DSTYK: variants seen among roughly 807,000 people sequenced by gnomAD.
The protein encoded by DSTYK is dual serine/threonine and tyrosine protein kinase, also known as RIP-homologous kinase.
In DSTYK, 34 loss-of-function variants were observed where a neutral mutation model predicts 98.7. The observed-to-expected ratio is 0.34, with a 90% CI of 0.26 to 0.46. The LOEUF (loss-of-function observed/expected upper bound fraction) is 0.46, where lower values mean the gene tolerates loss of function less well. DSTYK is among the 20% of genes least tolerant of loss of function. The pLI is 1.00. For missense variants in DSTYK, 962 were observed against 1,181.7 expected, an observed-to-expected ratio of 0.81 and a Z score of 2.73; for synonymous variants, 462 against 457.3, an observed-to-expected ratio of 1.01 and a Z score of -0.13.
At chr1:205,193,904 C>T (rs1366175117) in intron 1 of DSTYK, among the ~76,000 whole-genome samples, 1 of 151,344 alleles carries the variant, frequency 6.6e-6, no homozygotes, top group African/African-American at 2.4e-5. Context: ...AACTAGCAAT[C>T]CTCTTCTCTG....
intron 10 of DSTYK, among the ~76,000 whole-genome samples, chr1:205,155,976 C>T (rs1657547061): frequency 6.6e-6 from 1 of 152,238 alleles, no homozygotes; most frequent in Non-Finnish European, 1.5e-5. Flanking sequence ...CCACATAGCT[C>T]AGGCCATTGC....
In DSTYK at chr1:205,162,115, T is replaced by C. The variant is rs1239304396; in HGVS notation, c.1739A>G (p.Lys580Arg). 1 of 1,614,120 alleles carries C rather than the reference T, an allele frequency of 6.2e-7. No individual in the cohort carries two copies. The highest frequency in any genetic ancestry group is 1.1e-5 in the South Asian group (1 of 91,072). The change falls in exon 6 of 13, where the codon AAA becomes AGA. Residue 580 changes from lysine (K) to arginine (R), a missense_variant. By Grantham distance (26) the Lys-to-Arg change is conservative. Transcript: ENST00000367162. The part of the protein sequence containing the change: ...QEAIESLSAS[K>R]LAKSICSQFR... ...TTGGCTGCAAATGCTCTTAGCCAAT[T>C]TGGAGGCGCTGAGGCTCTCAATGGC...
chr1:205,182,565 G>T (rs1404381905), intron 2 of DSTYK, among the ~76,000 whole-genome samples: 1 of 148,172 alleles, frequency 6.7e-6, no homozygotes, highest in African/African-American at 2.5e-5. Context: ...CGGCACTTTG[G>T]GAGGCCGAGG....
chr1:205,159,737 T>A (rs1657663585), intron 8 of DSTYK, 58 bp from the exon 9 acceptor site: 4 of 1,603,706 alleles, frequency 2.5e-6, no homozygotes, highest in Admixed American at 1.7e-5. Flanking sequence ...CTGCATGCCA[T>A]GCCACAATGT....
chr1:205,187,947 G>A lies in DSTYK; in HGVS notation c.266-141C>T, dbSNP rs1379663177. ...GAAATTTCTAGGAACCTTGGTTGAAGGACATATCAGGGAAAAAACCCCAGT... is the reference window on the plus strand; with the variant it reads ...GAAATTTCTAGGAACCTTGGTTGAAAGACATATCAGGGAAAAAACCCCAGT... On this transcript the variant is annotated intron_variant, in intron 1 of 12. Coordinates refer to ENST00000367162, the MANE Select transcript of DSTYK (RefSeq NM_015375.3). 4 of 798,558 alleles carry A rather than the reference G, an allele frequency of 5.0e-6. No homozygotes were observed. The African/African-American group carries it at 5.2e-5, about 10-fold the overall frequency. The allele number at this position is 798,558 out of a possible 1,614,324, so 49.5% of individuals were successfully genotyped here. A position where few individuals can be genotyped will look rare whatever the true frequency, so the allele number is the denominator to read the frequency against.
At chr1:205,208,542 C>T (rs1413162501) in intron 1 of DSTYK, among the ~76,000 whole-genome samples, 2 of 152,160 alleles carry the variant, frequency 1.3e-5, no homozygotes, top group African/African-American at 4.8e-5. Context: ...GTTCCTTCAA[C>T]ACCCAAGTTC....
chr1:205,190,293 C>T (rs778085446), intron 1 of DSTYK, among the ~76,000 whole-genome samples: 2 of 152,174 alleles, frequency 1.3e-5, no homozygotes, highest in Admixed American at 1.3e-4. Flanking sequence ...TTAAGAGCAA[C>T]CATCACTCCT....
In DSTYK at chr1:205,147,609, G is replaced by A; in HGVS notation, c.2739C>T (p.Leu913=). Residue 913 remains leucine (L), a synonymous_variant, in exon 13 of 13, where the codon CTC becomes CTT. Transcript: ENST00000367162. ...TTGGCTGCTCAGAATTGGACTTGCA[G>A]AGCCGATTCATGATGCCCTGGAGCA... The part of the protein sequence containing the change: ...QPMLQGIMNR[L]CKSNSEQPNR... 1 of 1,613,992 alleles carries A rather than the reference G, an allele frequency of 6.2e-7. No individual in the cohort carries two copies. The highest frequency in any genetic ancestry group is 8.5e-7 in the Non-Finnish European group (1 of 1,179,834).
chr1:205,176,962 T>A (rs558183446), intron 2 of DSTYK, among the ~76,000 whole-genome samples: 1 of 152,162 alleles, frequency 6.6e-6, no homozygotes, highest in Non-Finnish European at 1.5e-5. Context: ...CCTGGCACTT[T>A]GGAAGGCTGA....
intron 3 of DSTYK, 25 bp from the exon 4 acceptor site, chr1:205,163,980 A>C: frequency 1.3e-6 from 2 of 1,599,454 alleles, no homozygotes; most frequent in Non-Finnish European, 1.7e-6. Context: ...AAATAAGCTG[A>C]ATAGTTGTGA....
At chr1:205,163,041 A>G (rs1393509819) in intron 4 of DSTYK, 35 bp from the exon 5 acceptor site, 1 of 1,540,160 alleles carries the variant, frequency 6.5e-7, no homozygotes, top group South Asian at 1.1e-5. Context: ...ACATGTCCTC[A>G]GTAGTGTGGC....
At chr1:205,155,086 G>A (rs1487603812) in intron 10 of DSTYK, among the ~76,000 whole-genome samples, 3 of 152,080 alleles carry the variant, frequency 2.0e-5, no homozygotes, top group Non-Finnish European at 4.4e-5. Context: ...CCAGGTTCAA[G>A]CAATTCTCCT....
At position 205,211,328 on chromosome 1, in the gene DSTYK, C is replaced by T. The variant is rs774123961; in HGVS notation, c.208G>A (p.Gly70Ser). 6 of 1,611,400 alleles carry T rather than the reference C, an allele frequency of 3.7e-6. No homozygotes were observed. The highest frequency in any genetic ancestry group is 5.1e-6 in the Non-Finnish European group (6 of 1,179,000). Residue 70 changes from glycine to serine, a missense_variant, in exon 1 of 13, where the codon GGC becomes AGC. Transcript: ENST00000367162. ...GCAGGGCCGCGCTCGGCCCCGCCGC[C>T]GCCCGTGAGGGAGGAGAGACAAGTG... ...NHTCLSSLTG[G>S]GGAERGPAGD...
At chr1:205,155,471 C>T (rs910745875) in intron 10 of DSTYK, among the ~76,000 whole-genome samples, 1 of 151,630 alleles carries the variant, frequency 6.6e-6, no homozygotes, top group Admixed American at 6.6e-5. Flanking sequence ...GAGTTGGAGA[C>T]CAGCCTGGCC....
In DSTYK at chr1:205,163,735, ATT is replaced by A; in HGVS notation, c.1543_1544del (p.Asn515LeufsTer13). On this transcript the variant is annotated frameshift_variant, in exon 4 of 13. Coordinates refer to ENST00000367162, the MANE Select transcript of DSTYK (RefSeq NM_015375.3). LOFTEE classifies it high-confidence loss of function. ...ATTCTTTGTCTACCTGTTTGAGATA[ATT>A]ACTGGTGATGTGAACTGAGACATCC... ...SQDVSVHITS[N>X]YLKQILNAAY... is the part of the protein sequence containing the mutation. 1 of 1,613,698 alleles carries A rather than the reference ATT, an allele frequency of 6.2e-7. No individual in the cohort carries two copies. The highest frequency in any genetic ancestry group is 8.5e-7 in the Non-Finnish European group (1 of 1,179,712).
chr1:205,151,004 G>A (rs1400053548), intron 10 of DSTYK, among the ~76,000 whole-genome samples: 3 of 152,156 alleles, frequency 2.0e-5, no homozygotes, highest in African/African-American at 7.2e-5. Context: ...ACCTAGTATG[G>A]TCTTTTGCTA....
chr1:205,193,829 C>T (rs1030698309), intron 1 of DSTYK, among the ~76,000 whole-genome samples: 10 of 151,300 alleles, frequency 6.6e-5, no homozygotes, highest in African/African-American at 2.4e-4. Flanking sequence ...CGAGATAGTG[C>T]CACTGCACTC....
intron 1 of DSTYK, among the ~76,000 whole-genome samples, chr1:205,201,750 A>G (rs1385656960): frequency 1.3e-5 from 2 of 152,196 alleles, no homozygotes; most frequent in African/African-American, 4.8e-5. Context: ...TAAGACAAAC[A>G]TACTCACAGC....
intron 1 of DSTYK, among the ~76,000 whole-genome samples, chr1:205,199,209 C>T (rs755591311): frequency 1.3e-5 from 2 of 152,134 alleles, no homozygotes; most frequent in Non-Finnish European, 2.9e-5. Flanking sequence ...TATAATAAAG[C>T]CCAACTCCAA....
Sources: allele counts gnomAD v4.1 joint callset (sites outside exome capture counted in the v4.1 genomes callset), GRCh38; gene constraint gnomAD v4.1.1; transcripts MANE v1.5; gene names NCBI Gene and HGNC (gene_info 2026-07-23, HGNC 2026-07-21).